The following PIK3CB variants were observed in gnomAD, a reference collection of about 807,000 sequenced individuals.
PIK3CB encodes the protein phosphatidylinositol 4,5-bisphosphate 3-kinase catalytic subunit beta isoform.
PIK3CB carries 39 observed loss-of-function variants against 136.8 expected under a neutral mutation model. That is an observed-to-expected ratio of 0.29 (90% CI 0.22 to 0.37). PIK3CB has a LOEUF of 0.37. Among genes scored for constraint, PIK3CB ranks in the 10% least tolerant of loss-of-function variants. The probability of loss-of-function intolerance (pLI) is 1.00; values close to 1 mark genes in which losing one functional copy is unlikely to be tolerated. For missense variants in PIK3CB, 868 were observed against 1,275.4 expected, an observed-to-expected ratio of 0.68 and a Z score of 4.87; for synonymous variants, 428 against 436.6, an observed-to-expected ratio of 0.98 and a Z score of 0.25.
At chr3:138,682,103 A>C in intron 18 of PIK3CB, 58 bp from the exon 19 acceptor site, 12 of 1,015,284 alleles carry the variant, frequency 1.2e-5, no homozygotes, top group Non-Finnish European at 1.8e-5. Context: ...CCTGTAACTC[A>C]TTAATTCAAG....
At chr3:138,681,893 A>C in intron 19 of PIK3CB, 74 bp downstream of exon 19, 1 of 841,746 alleles carries the variant, frequency 1.2e-6, no homozygotes, top group Non-Finnish European at 1.9e-6. Context: ...GAGGGAAGGA[A>C]TTAACAAGAA....
In PIK3CB at chr3:138,697,084, A is replaced by G. The variant is rs142111863; in HGVS notation, c.1770+1823T>C. On this transcript the variant is annotated intron_variant, in intron 13 of 23. Transcript: ENST00000674063. Reference sequence around the variant, plus strand: ...TTGCCAAAACTCACCAAACCTCTCTATAAGACAGCTTTTAAGAGTACAGCA... The same window carrying G: ...TTGCCAAAACTCACCAAACCTCTCTGTAAGACAGCTTTTAAGAGTACAGCA... Among the ~76,000 whole-genome samples, 282 of 152,356 alleles carry G rather than the reference A, an allele frequency of 1.9e-3. 9 individuals carry two copies. In the South Asian group the frequency reaches 0.043, roughly 23 times the overall value.
In PIK3CB at chr3:138,788,846, C is replaced by T. The variant is rs184439133; in HGVS notation, c.-17+7617G>A. 3.7e-3 allele frequency among the ~76,000 whole-genome samples: 565 copies of T among 151,174 alleles called. 5 individuals carry two copies. The highest frequency in any genetic ancestry group is 0.013 in the African/African-American group (542 of 41,176). ...GGGCATAGTGGTACGCACCTGTAAT[C>T]CCAGCTACTAGGGAGGCTGAGGCAG... On this transcript the variant is annotated intron_variant, in intron 2 of 23. Coordinates refer to ENST00000674063, the MANE Select transcript of PIK3CB (RefSeq NM_006219.3).
intron 16 of PIK3CB, among the ~76,000 whole-genome samples, chr3:138,688,469 C>T (rs2043941075): frequency 7.1e-6 from 1 of 141,042 alleles, no homozygotes; most frequent in Non-Finnish European, 1.5e-5. Context: ...CCATTGCACT[C>T]CAGCCTGGGC....
chr3:138,710,752 T>C (rs2044479609), intron 10 of PIK3CB, among the ~76,000 whole-genome samples: 1 of 152,168 alleles, frequency 6.6e-6, no homozygotes, highest in Admixed American at 6.5e-5. Context: ...TGGAAGGTGC[T>C]CCATTTACCT....
intron 12 of PIK3CB, among the ~76,000 whole-genome samples, chr3:138,704,209 A>C (rs1421530076): frequency 1.3e-5 from 2 of 152,184 alleles, no homozygotes; most frequent in Non-Finnish European, 2.9e-5. Context: ...TCCCTTATAG[A>C]TTACCTGCTA....
chr3:138,698,904 T>C lies in PIK3CB; in HGVS notation c.1770+3A>G. Reference sequence around the variant, plus strand: ...AAAAGTTATAGAAACGATCTTTTGTTACCTGAGCAACATCCTCAAGTTTAT... The same window carrying C: ...AAAAGTTATAGAAACGATCTTTTGTCACCTGAGCAACATCCTCAAGTTTAT... On this transcript the variant is annotated splice_donor_region_variant and intron_variant, in intron 13 of 23. Transcript: ENST00000674063. 1.3e-6 allele frequency: 2 copies of C among 1,582,062 alleles called. No homozygotes were observed. The highest frequency in any genetic ancestry group is 1.2e-5 in the South Asian group (1 of 86,880).
At chr3:138,743,375 A>G (rs972650738) in intron 4 of PIK3CB, among the ~76,000 whole-genome samples, 2 of 152,164 alleles carry the variant, frequency 1.3e-5, no homozygotes, top group Non-Finnish European at 2.9e-5. Flanking sequence ...AACCTAGTAC[A>G]CTTAAATTTT....
intron 2 of PIK3CB, among the ~76,000 whole-genome samples, chr3:138,763,954 T>C (rs2045695579): frequency 6.6e-6 from 1 of 150,568 alleles, no homozygotes; most frequent in Admixed American, 6.6e-5. Flanking sequence ...CTGTTAAAAA[T>C]GCAAACATTA....
chr3:138,738,339 T>A (rs550698623), intron 5 of PIK3CB, among the ~76,000 whole-genome samples: 63 of 152,208 alleles, frequency 4.1e-4, no homozygotes, highest in African/African-American at 1.5e-3. Flanking sequence ...GCCTGGCTAA[T>A]TTTTTGTATC....
intron 12 of PIK3CB, 100 bp downstream of exon 12, chr3:138,704,343 T>C (rs1231240500): frequency 2.4e-6 from 2 of 832,760 alleles, no homozygotes; most frequent in East Asian, 2.4e-5. Flanking sequence ...TTCTTGCATA[T>C]GAGTTACGGT....
intron 3 of PIK3CB, among the ~76,000 whole-genome samples, chr3:138,757,221 T>C (rs1186360677): frequency 6.6e-6 from 1 of 152,000 alleles, no homozygotes. Context: ...CTGGCCAACA[T>C]GGTGAAATCC....
intron 11 of PIK3CB, among the ~76,000 whole-genome samples, chr3:138,705,779 G>GTC (rs1333380356): frequency 6.6e-6 from 1 of 152,114 alleles, no homozygotes; most frequent in Admixed American, 6.6e-5. Flanking sequence ...CAGAGACAGG[G>GTC]TCTCTCTCTG....
chr3:138,761,631 A>T (rs932689302), intron 2 of PIK3CB, among the ~76,000 whole-genome samples: 4 of 152,170 alleles, frequency 2.6e-5, no homozygotes, highest in African/African-American at 4.8e-5. Context: ...TTAGCCAGGC[A>T]TGGTGGCGGG....
intron 8 of PIK3CB, among the ~76,000 whole-genome samples, chr3:138,725,708 T>C (rs1369563629): frequency 6.6e-6 from 1 of 152,230 alleles, no homozygotes; most frequent in Non-Finnish European, 1.5e-5. Flanking sequence ...TATCTTCTAT[T>C]TAATGGCTGA....
At position 138,763,489 on chromosome 3, in the gene PIK3CB, C is replaced by T. The variant is rs142453195; in HGVS notation, c.-16-4130G>A. ...GGTTTATGAAACATCAGCCCTCTGTCACAGAATTAGAAACATAATAAACCT... is the reference window on the plus strand; with the variant it reads ...GGTTTATGAAACATCAGCCCTCTGTTACAGAATTAGAAACATAATAAACCT... On this transcript the variant is annotated intron_variant, in intron 2 of 23. Transcript: ENST00000674063. Among the ~76,000 whole-genome samples, 318 of 152,246 alleles carry T rather than the reference C, an allele frequency of 2.1e-3. 4 individuals carry two copies. Among genetic ancestry groups the T allele is most frequent in the African/African-American group, 7.4e-3 (309 of 41,524 alleles).
chr3:138,727,076 C>T (rs2108620900), intron 8 of PIK3CB, among the ~76,000 whole-genome samples: 1 of 151,994 alleles, frequency 6.6e-6, no homozygotes, highest in South Asian at 2.1e-4. Context: ...ACAAAAAGCC[C>T]TACAAGGCCA....
At chr3:138,691,867 A>G (rs1408797522) in intron 14 of PIK3CB, among the ~76,000 whole-genome samples, 1 of 152,204 alleles carries the variant, frequency 6.6e-6, no homozygotes, top group Non-Finnish European at 1.5e-5. Context: ...TGTGCTTAGT[A>G]AAACAATCAT....
In PIK3CB at chr3:138,655,401, G is replaced by A. The variant is rs779370153; in HGVS notation, c.3201C>T (p.Asp1067=). 2 of 1,614,116 alleles carry A rather than the reference G, an allele frequency of 1.2e-6. No individual in the cohort carries two copies. The highest frequency in any genetic ancestry group is 2.2e-5 in the South Asian group (2 of 91,066). The change falls in exon 24 of 24, where the codon GAC becomes GAT. Residue 1067 remains aspartate (D), a synonymous_variant. Transcript: ENST00000674063. Reference sequence around the variant, plus strand: ...CGAAGGCTGATCGTTAAGATCTGTAGTCTTTCCGAACTGTGTGGGCCATCC... The same window carrying A: ...CGAAGGCTGATCGTTAAGATCTGTAATCTTTCCGAACTGTGTGGGCCATCC... ...VNWMAHTVRK[D]YRS
Sources: gnomAD v4.1 joint callset for allele counts (sites outside exome capture counted in the v4.1 genomes callset) on GRCh38, gnomAD v4.1.1 for gene constraint, MANE v1.5 for transcripts, NCBI Gene and HGNC (gene_info 2026-07-23, HGNC 2026-07-21) for gene names.